PDE4B: variants seen among roughly 807,000 people sequenced by gnomAD.
PDE4B encodes the protein phosphodiesterase 4B, also known as 3',5'-cyclic-AMP phosphodiesterase 4B.
In PDE4B, 20 loss-of-function variants were observed where a neutral mutation model predicts 82.2. That is an observed-to-expected ratio of 0.24 (90% CI 0.17 to 0.35). PDE4B has a LOEUF of 0.35. Ranked by LOEUF, PDE4B falls within the 10% of genes least tolerant of loss-of-function variation. The pLI, the probability that PDE4B is intolerant of heterozygous loss-of-function variation, is 1.00. For synonymous variants in PDE4B, 320 were observed against 318.9 expected, an observed-to-expected ratio of 1.00 and a Z score of -0.04; for missense variants, 655 against 907.2, an observed-to-expected ratio of 0.72 and a Z score of 3.57.
chr1:65,953,586 C>G (rs1020512161), intron 3 of PDE4B, among the ~76,000 whole-genome samples: 1 of 152,054 alleles, frequency 6.6e-6, no homozygotes, highest in African/African-American at 2.4e-5. Context: ...CCCTTGATCC[C>G]CAGTGGGAGT....
At chr1:66,218,243 T>G (rs1360313040) in intron 3 of PDE4B, among the ~76,000 whole-genome samples, 1 of 152,132 alleles carries the variant, frequency 6.6e-6, no homozygotes, top group Non-Finnish European at 1.5e-5. Flanking sequence ...TCCTAAGTGA[T>G]GTCGGCCGAT....
At chr1:66,271,288 A>G (rs1450665958) in intron 7 of PDE4B, among the ~76,000 whole-genome samples, 6 of 152,226 alleles carry the variant, frequency 3.9e-5, no homozygotes, top group Admixed American at 2.0e-4. Flanking sequence ...GAAACCGAGG[A>G]GGCCTCATCT....
rs566228155 is a variant in PDE4B at position 66,189,761 on chromosome 1, T to G, written c.282-57699T>G. ...AATTTTTTTTTCAAGGTTTTTAACTTCATTGCCATGAGTTCGAACTTCCTC... is the reference window on the plus strand; with the variant it reads ...AATTTTTTTTTCAAGGTTTTTAACTGCATTGCCATGAGTTCGAACTTCCTC... On this transcript the variant is annotated intron_variant, in intron 3 of 16. Coordinates refer to ENST00000341517, the MANE Select transcript of PDE4B (RefSeq NM_002600.4). 3.3e-5 allele frequency among the ~76,000 whole-genome samples: 5 copies of G among 152,314 alleles called. No homozygotes were observed. The South Asian group carries it at 1.0e-3, about 32-fold the overall frequency.
At chr1:66,255,076 TTCTTTCTTTC>T (rs974285049) in intron 4 of PDE4B, among the ~76,000 whole-genome samples, 2 of 151,922 alleles carry the variant, frequency 1.3e-5, no homozygotes, top group African/African-American at 2.4e-5. Context: ...TTTTTTCTCT[TTCTTTCTTTC>T]TCTTTCTTTC....
At chr1:66,299,118 A>G (rs1259847792) in intron 7 of PDE4B, among the ~76,000 whole-genome samples, 1 of 152,148 alleles carries the variant, frequency 6.6e-6, no homozygotes, top group Non-Finnish European at 1.5e-5. Flanking sequence ...AACGTATACA[A>G]TAAATTGTTA....
intron 3 of PDE4B, among the ~76,000 whole-genome samples, chr1:66,159,332 A>G (rs970510887): frequency 4.9e-4 from 74 of 150,614 alleles, no homozygotes; most frequent in Admixed American, 1.7e-3. Flanking sequence ...TTTGCCTCCC[A>G]GGTTCAAGCA....
chr1:65,832,117 G>A (rs904592567), intron 1 of PDE4B, among the ~76,000 whole-genome samples: 2 of 151,964 alleles, frequency 1.3e-5, no homozygotes, highest in Non-Finnish European at 2.9e-5. Flanking sequence ...TGAAATCTTT[G>A]GACTCCTAAT....
intron 1 of PDE4B, among the ~76,000 whole-genome samples, chr1:65,820,460 C>A (rs2101239235): frequency 6.6e-6 from 1 of 152,274 alleles, no homozygotes; most frequent in East Asian, 1.9e-4. Context: ...TGCTTTCTCA[C>A]TAATGAGATT....
chr1:66,064,202 G>A lies in PDE4B; in HGVS notation c.281+145367G>A, dbSNP rs115301149. Among the ~76,000 whole-genome samples, 1,278 of 152,082 alleles carry A rather than the reference G, an allele frequency of 8.4e-3. 23 individuals are homozygous for A. Among genetic ancestry groups the A allele is most frequent in the African/African-American group, 0.029 (1,194 of 41,540 alleles). ...AGAATTTGCTTCCAACGGTGCTAATGAAGTGTTGTCAATGAAGGAATTACA... is the reference window on the plus strand; with the variant it reads ...AGAATTTGCTTCCAACGGTGCTAATAAAGTGTTGTCAATGAAGGAATTACA... On this transcript the variant is annotated intron_variant, in intron 3 of 16. Transcript: ENST00000341517.
rs371375453 is a variant in PDE4B at position 65,905,491 on chromosome 1, G to T, written c.-70-7754G>T. 2.3e-3 allele frequency among the ~76,000 whole-genome samples: 347 copies of T among 152,182 alleles called. 10 individuals are homozygous for T. The South Asian group carries it at 0.07, about 31-fold the overall frequency. ...GAAGTTGAGGTTTAAAAGTCAAGCA[G>T]GGACCAGATCTGTAGGGACTTGTAT... On this transcript the variant is annotated intron_variant, in intron 1 of 16. Transcript: ENST00000341517.
intron 3 of PDE4B, among the ~76,000 whole-genome samples, chr1:65,967,569 C>T (rs554494556): frequency 7.2e-5 from 11 of 152,246 alleles, no homozygotes; most frequent in East Asian, 3.9e-4. Flanking sequence ...CACATGCACA[C>T]GTATGTTTAT....
chr1:66,245,960 G>A (rs1043354054), intron 3 of PDE4B, among the ~76,000 whole-genome samples: 36 of 152,150 alleles, frequency 2.4e-4, no homozygotes, highest in African/African-American at 7.7e-4. Flanking sequence ...ATTCAAGAGA[G>A]CAGCCAAGGT....
At position 66,068,000 on chromosome 1, in the gene PDE4B, G is replaced by T. The variant is rs112792678; in HGVS notation, c.281+149165G>T. On this transcript the variant is annotated intron_variant, in intron 3 of 16. Transcript: ENST00000341517. ...GGAGGTATACCTAATGCTAAATGAC[G>T]AGTTAATGGGTGCAGCACACCAACA... 8.5e-3 allele frequency among the ~76,000 whole-genome samples: 1,280 copies of T among 150,560 alleles called. 19 individuals are homozygous for T. Among genetic ancestry groups the T allele is most frequent in the African/African-American group, 0.029 (1,198 of 40,930 alleles).
intron 3 of PDE4B, among the ~76,000 whole-genome samples, chr1:65,982,277 A>G (rs1650727610): frequency 6.6e-6 from 1 of 152,174 alleles, no homozygotes; most frequent in African/African-American, 2.4e-5. Flanking sequence ...CTTATAGGTG[A>G]TGAACTTGGA....
At chr1:66,329,763 A>G (rs1192746722) in intron 7 of PDE4B, among the ~76,000 whole-genome samples, 1 of 152,208 alleles carries the variant, frequency 6.6e-6, no homozygotes, top group Non-Finnish European at 1.5e-5. Context: ...CAGATGTATG[A>G]AATTGAGGTC....
intron 3 of PDE4B, among the ~76,000 whole-genome samples, chr1:66,200,524 A>G (rs1648803588): frequency 6.6e-6 from 1 of 152,120 alleles, no homozygotes; most frequent in Non-Finnish European, 1.5e-5. Context: ...TATTTCATTG[A>G]GCAGTGGTCT....
At chr1:66,171,120 ATAAT>A (rs1646828860) in intron 3 of PDE4B, among the ~76,000 whole-genome samples, 1 of 152,176 alleles carries the variant, frequency 6.6e-6, no homozygotes, top group African/African-American at 2.4e-5. Flanking sequence ...AATTTTGAAC[ATAAT>A]TAATTCTCAT....
rs2102036327 is a variant in PDE4B, at chr1:66,363,254, T to C, written c.1107T>C (p.Tyr369=). The part of the protein sequence containing the change: ...SHNRPLTCIM[Y]AIFQERDLLK... ...ATAGACCCCTAACATGCATCATGTATGCTATATTCCAGGTGAGTGAACAGG... is the reference window on the plus strand; with the variant it reads ...ATAGACCCCTAACATGCATCATGTACGCTATATTCCAGGTGAGTGAACAGG... Residue 369 remains tyrosine (Y), a synonymous_variant, in exon 11 of 17, where the codon TAT becomes TAC. Transcript: ENST00000341517. The C allele has an allele frequency of 1.2e-6, 2 of 1,608,974 alleles. No individual in the cohort carries two copies. The highest frequency in any genetic ancestry group is 8.5e-7 in the Non-Finnish European group (1 of 1,175,472).
chr1:65,868,618 G>T (rs975567849), intron 1 of PDE4B, among the ~76,000 whole-genome samples: 1 of 152,198 alleles, frequency 6.6e-6, no homozygotes, highest in Non-Finnish European at 1.5e-5. Flanking sequence ...GCAGGTGGAT[G>T]GTCACCAAAC....
Sources: gnomAD v4.1 joint callset for allele counts (sites outside exome capture counted in the v4.1 genomes callset) on GRCh38, gnomAD v4.1.1 for gene constraint, MANE v1.5 for transcripts, NCBI Gene and HGNC (gene_info 2026-07-23, HGNC 2026-07-21) for gene names.